PDE8B: variants seen among roughly 807,000 people sequenced by gnomAD.
PDE8B encodes the protein phosphodiesterase 8B, also known as high affinity cAMP-specific and IBMX-insensitive 3',5'-cyclic phosphodiesterase 8B.
PDE8B carries 26 observed loss-of-function variants against 101.3 expected under a neutral mutation model. The ratio of observed to expected loss-of-function variants is 0.26; its 90% CI spans 0.19 to 0.36. The LOEUF (loss-of-function observed/expected upper bound fraction) is 0.36. PDE8B is among the 10% of genes least tolerant of loss of function. The pLI is 1.00. For missense variants in PDE8B, 810 were observed against 1,163.1 expected, an observed-to-expected ratio of 0.70 and a Z score of 4.42; for synonymous variants, 424 against 429.3, an observed-to-expected ratio of 0.99 and a Z score of 0.15.
At chr5:77,396,795 G>T (rs533622851) in intron 10 of PDE8B, among the ~76,000 whole-genome samples, 1 of 151,970 alleles carries the variant, frequency 6.6e-6, no homozygotes, top group South Asian at 2.1e-4. Flanking sequence ...TCACTTTCAT[G>T]TAGAATTGTT....
intron 20 of PDE8B, among the ~76,000 whole-genome samples, chr5:77,425,485 G>A (rs750073493): frequency 1.4e-4 from 21 of 152,078 alleles, no homozygotes; most frequent in South Asian, 6.2e-4. Flanking sequence ...CCTGGGAGGC[G>A]GAGGTTGCAG....
intron 10 of PDE8B, among the ~76,000 whole-genome samples, chr5:77,396,628 TC>T (rs1791122518): frequency 6.6e-6 from 1 of 152,120 alleles, no homozygotes; most frequent in South Asian, 2.1e-4. Flanking sequence ...TTTTATCCTT[TC>T]CCTTTCTATC....
At chr5:77,199,039 C>T in the PDE8B span, among the ~76,000 whole-genome samples, 4 of 152,122 alleles carry the variant, frequency 2.6e-5, no homozygotes, top group South Asian at 4.1e-4. Flanking sequence ...ATTTAGGCTA[C>T]GAAATGGCTC....
chr5:77,144,573 A>G, the PDE8B span: 1 of 148,176 alleles, frequency 6.7e-6, no homozygotes, highest in Non-Finnish European at 1.5e-5. Flanking sequence ...CTAGATATAT[A>G]TAAAAATGTT....
chr5:77,141,106 C>T, the PDE8B span: 2 of 152,028 alleles, frequency 1.3e-5, no homozygotes, highest in Non-Finnish European at 2.9e-5. Flanking sequence ...TGAATTTTAC[C>T]TTTCAATATT....
At chr5:77,147,585 T>C in the PDE8B span, 1 of 152,418 alleles carries the variant, frequency 6.6e-6, no homozygotes, top group African/African-American at 2.4e-5. Flanking sequence ...ACATTCTGAA[T>C]TCTGAATGCT....
At chr5:77,105,293 G>A in the PDE8B span, 1 of 152,328 alleles carries the variant, frequency 6.6e-6, no homozygotes, top group Middle Eastern at 3.4e-3. Context: ...TACACATTCA[G>A]TAGAATTCAT....
At chr5:77,314,841 A>G (rs1312055278) in intron 2 of PDE8B, among the ~76,000 whole-genome samples, 2 of 152,164 alleles carry the variant, frequency 1.3e-5, no homozygotes, top group Admixed American at 1.3e-4. Flanking sequence ...ATCCTTGATA[A>G]TATTTGATGT....
chr5:77,309,227 AGGGGAGGGAGGGGT>A (rs1292893770), intron 1 of PDE8B, among the ~76,000 whole-genome samples: 1 of 13,752 alleles, frequency 7.3e-5, no homozygotes, highest in Non-Finnish European at 1.3e-4. Flanking sequence ...GGAGGGAGGG[AGGGGAGGGAGGGGT>A]GGGGAGGGGA....
At position 77,299,787 on chromosome 5, in the gene PDE8B, C is replaced by T. The variant is rs564342964; in HGVS notation, c.340-12207C>T. Among the ~76,000 whole-genome samples, 3 of 152,220 alleles carry T rather than the reference C, an allele frequency of 2.0e-5. No individual in the cohort carries two copies. In the South Asian group the frequency reaches 6.2e-4, roughly 32 times the overall value. On this transcript the variant is annotated intron_variant, in intron 1 of 21. Coordinates refer to ENST00000264917, the MANE Select transcript of PDE8B (RefSeq NM_003719.5). ...ATTTACAATCCTTTGGGTATATACC[C>T]AGTAATGGGGTGGCTGGGTCAAATG...
At chr5:77,154,420 T>C in the PDE8B span, among the ~76,000 whole-genome samples, 4 of 152,208 alleles carry the variant, frequency 2.6e-5, no homozygotes, top group African/African-American at 7.2e-5. Context: ...TAATAAATAT[T>C]TGTTGCATGA....
At chr5:77,378,456 TAAAAAAAAA>T (rs58121927) in intron 10 of PDE8B, among the ~76,000 whole-genome samples, 42 of 69,376 alleles carry the variant, frequency 6.1e-4, no homozygotes, top group South Asian at 4.2e-3. Context: ...AGACTCCATC[TAAAAAAAAA>T]AAAAAAAAAA....
At position 77,425,753 on chromosome 5, in the gene PDE8B, G is replaced by T. The variant is rs758819340; in HGVS notation, c.2419-14G>T. On this transcript the variant is annotated splice_polypyrimidine_tract_variant and intron_variant, in intron 20 of 21. Transcript: ENST00000264917. ...GCATGTCCTCCAGCCCTATGTGGTG[G>T]TTTTTTCTTACAGACTGATGAAGAG... is the stretch of plus-strand genomic sequence containing the variant. 1.9e-6 allele frequency: 3 copies of T among 1,613,648 alleles called. No homozygotes were observed. Among genetic ancestry groups the T allele is most frequent in the Non-Finnish European group, 1.7e-6 (2 of 1,179,578 alleles).
intron 1 of PDE8B, among the ~76,000 whole-genome samples, chr5:77,298,383 G>A (rs187239717): frequency 5.9e-5 from 9 of 152,226 alleles, no homozygotes; most frequent in East Asian, 1.9e-4. Context: ...AAATTGTGAC[G>A]GTTTGGAAAG....
chr5:77,384,885 T>C (rs1019877727), intron 10 of PDE8B, among the ~76,000 whole-genome samples: 1 of 152,222 alleles, frequency 6.6e-6, no homozygotes, highest in Non-Finnish European at 1.5e-5. Flanking sequence ...CAGTATTTTA[T>C]TGAGGATTTT....
chr5:77,320,219 C>T (rs1774724354), intron 2 of PDE8B, among the ~76,000 whole-genome samples: 1 of 152,168 alleles, frequency 6.6e-6, no homozygotes, highest in Non-Finnish European at 1.5e-5. Context: ...GTACCCATCA[C>T]CCGAAAAGTG....
At chr5:77,257,616 A>G (rs961193125) in intron 1 of PDE8B, among the ~76,000 whole-genome samples, 1 of 152,182 alleles carries the variant, frequency 6.6e-6, no homozygotes, top group Admixed American at 6.5e-5. Flanking sequence ...AAATAAACCA[A>G]CATTTATAGC....
chr5:77,302,308 C>T (rs1218926344), intron 1 of PDE8B, among the ~76,000 whole-genome samples: 1 of 152,218 alleles, frequency 6.6e-6, no homozygotes, highest in Non-Finnish European at 1.5e-5. Context: ...TCCACTGGCA[C>T]AGCAAAGCTC....
At chr5:77,413,042 T>C (rs1794864895) in intron 16 of PDE8B, 69 bp from the exon 17 acceptor site, 1 of 1,297,150 alleles carries the variant, frequency 7.7e-7, no homozygotes, top group Non-Finnish European at 1.1e-6. Context: ...CATGCCCCAC[T>C]ATCATCAAAG....
Sources: allele counts gnomAD v4.1 joint callset (sites outside exome capture counted in the v4.1 genomes callset), GRCh38; gene constraint gnomAD v4.1.1; transcripts MANE v1.5; gene names NCBI Gene and HGNC (gene_info 2026-07-23, HGNC 2026-07-21).